Variants in ITPR2 observed in about 807,000 individuals in gnomAD.
ITPR2 encodes the protein inositol 1,4,5-trisphosphate receptor type 2, also known as inositol 1,4,5-trisphosphate-gated calcium channel ITPR2.
In ITPR2, 207 loss-of-function variants were observed where a neutral mutation model predicts 317.1. The ratio of observed to expected loss-of-function variants is 0.65; its 90% confidence interval spans 0.58 to 0.73. The LOEUF is 0.73. Among genes scored for constraint, ITPR2 ranks in the 30% least tolerant of loss-of-function variants. ITPR2 has a pLI of 0.00. For synonymous variants in ITPR2, 1,156 were observed against 1,149.1 expected (o/e 1.01, Z -0.12); for missense variants, 2,613 against 3,284.0 (o/e 0.80, Z 4.99).
chr12:26,600,584 A>G (rs1945973615), intron 28 of ITPR2, among the ~76,000 whole-genome samples: 3 of 151,384 alleles, frequency 2.0e-5, no homozygotes, highest in South Asian at 2.1e-4. Flanking sequence ...CAGTATGCCT[A>G]TATCTCCATC....
At chr12:26,433,069 A>C (rs1403540137) in intron 48 of ITPR2, among the ~76,000 whole-genome samples, 1 of 152,222 alleles carries the variant, frequency 6.6e-6, no homozygotes, top group African/African-American at 2.4e-5. Flanking sequence ...ATTCCTAGCT[A>C]TGCAGTGTGC....
chr12:26,527,133 T>C (rs1316487844), intron 37 of ITPR2, among the ~76,000 whole-genome samples: 5 of 152,220 alleles, frequency 3.3e-5, no homozygotes, highest in African/African-American at 1.2e-4. Flanking sequence ...CAAAAGTGTC[T>C]TTGGTGCATG....
intron 1 of ITPR2, among the ~76,000 whole-genome samples, chr12:26,810,298 T>G (rs73080696): frequency 0.046 from 6,988 of 152,336 alleles, 220 homozygotes; most frequent in Non-Finnish European, 0.072. Flanking sequence ...TTATAGCTTT[T>G]TTTTCATAGT....
Position 26,772,662 on chromosome 12 carries a change from C to A in ITPR2, c.163+17495G>T, listed in dbSNP as rs183932003. 1.1e-3 allele frequency among the ~76,000 whole-genome samples: 167 copies of A among 150,114 alleles called. 1 individual carries two copies. Among genetic ancestry groups the A allele is most frequent in the Non-Finnish European group, 1.8e-3 (125 of 67,608 alleles). On this transcript the variant is annotated intron_variant, in intron 2 of 56. Coordinates refer to ENST00000381340, the MANE Select transcript of ITPR2 (RefSeq NM_002223.4). ...TGAACTGTAGCAACTACTTCATACA[C>A]TGAATTGCACATGGTACCGTATGTG...
At chr12:26,778,515 A>G (rs560845362) in intron 2 of ITPR2, among the ~76,000 whole-genome samples, 1 of 152,350 alleles carries the variant, frequency 6.6e-6, no homozygotes, top group East Asian at 1.9e-4. Flanking sequence ...TGACTTGGCA[A>G]ATGCCTTTTT....
intron 2 of ITPR2, among the ~76,000 whole-genome samples, chr12:26,784,282 T>C (rs78609055): frequency 1.7e-3 from 68 of 39,716 alleles, no homozygotes; most frequent in South Asian, 2.5e-3. Context: ...CCTCTCCCTC[T>C]CCCTCTCCCT....
intron 54 of ITPR2, among the ~76,000 whole-genome samples, chr12:26,394,040 T>G (rs1939923163): frequency 6.6e-6 from 1 of 152,160 alleles, no homozygotes; most frequent in Admixed American, 6.5e-5. Context: ...TCTGGTTCTC[T>G]TAAAGAAGAG....
intron 37 of ITPR2, among the ~76,000 whole-genome samples, chr12:26,534,701 C>T (rs138311949): frequency 3.9e-5 from 6 of 152,144 alleles, no homozygotes; most frequent in African/African-American, 9.7e-5. Context: ...TAAGGAATAT[C>T]GAACATTTCA....
intron 2 of ITPR2, among the ~76,000 whole-genome samples, chr12:26,729,569 A>G (rs1948992789): frequency 1.3e-5 from 2 of 152,168 alleles, no homozygotes; most frequent in Admixed American, 1.3e-4. Flanking sequence ...CCCATCAATC[A>G]TAGACTGGAT....
chr12:26,595,691 T>C (rs760031139), intron 31 of ITPR2, 101 bp from the exon 32 acceptor site: 16 of 926,456 alleles, frequency 1.7e-5, no homozygotes, highest in Non-Finnish European at 2.5e-5. Context: ...GTTTTTATGG[T>C]AGATCATAGC....
At chr12:26,779,550 G>A (rs1369753788) in intron 2 of ITPR2, among the ~76,000 whole-genome samples, 1 of 152,184 alleles carries the variant, frequency 6.6e-6, no homozygotes, top group Non-Finnish European at 1.5e-5. Context: ...CTCTCTCCCA[G>A]CCTGCATCGA....
chr12:26,734,618 G>A (rs377597258), intron 2 of ITPR2, among the ~76,000 whole-genome samples: 29 of 148,142 alleles, frequency 2.0e-4, no homozygotes, highest in African/African-American at 5.9e-4. Flanking sequence ...AACAACTCCT[G>A]TCCTAAATTA....
chr12:26,549,344 CTCTT>C (rs1944466980), intron 37 of ITPR2, among the ~76,000 whole-genome samples: 1 of 152,152 alleles, frequency 6.6e-6, no homozygotes, highest in East Asian at 1.9e-4. Context: ...TGAAGCAATG[CTCTT>C]TCTATTAATA....
chr12:26,528,238 C>G (rs544107955), intron 37 of ITPR2, among the ~76,000 whole-genome samples: 1 of 152,290 alleles, frequency 6.6e-6, no homozygotes, highest in South Asian at 2.1e-4. Context: ...TTCAATGGTT[C>G]CAGCTCCTGA....
chr12:26,464,548 C>T (rs188544141), intron 45 of ITPR2, among the ~76,000 whole-genome samples: 5 of 152,234 alleles, frequency 3.3e-5, no homozygotes, highest in South Asian at 2.1e-4. Context: ...GTCTGGAGCC[C>T]GGGGGTTGGG....
Position 26,715,281 on chromosome 12 carries a change from CA to C in ITPR2, c.855+17del. 2 of 1,596,106 alleles carry C rather than the reference CA, an allele frequency of 1.3e-6. No individual in the cohort carries two copies. Among genetic ancestry groups the C allele is most frequent in the East Asian group, 2.2e-5 (1 of 44,734 alleles). On this transcript the variant is annotated intron_variant, in intron 8 of 56. Coordinates refer to ENST00000381340, the MANE Select transcript of ITPR2 (RefSeq NM_002223.4). ...TTTGATCTAAATATTTATTAAGTGC[CA>C]AAAAACATTTACATACCTCTATTTC...
intron 1 of ITPR2, among the ~76,000 whole-genome samples, chr12:26,795,889 C>T (rs55873755): frequency 0.049 from 7,439 of 151,268 alleles, 239 homozygotes; most frequent in African/African-American, 0.09. Flanking sequence ...GAGACTGAGG[C>T]GGGAGAATCG....
At chr12:26,741,283 TAAG>T (rs1040246614) in intron 2 of ITPR2, among the ~76,000 whole-genome samples, 3 of 152,362 alleles carry the variant, frequency 2.0e-5, no homozygotes, top group African/African-American at 7.2e-5. Context: ...AATCTCTAGT[TAAG>T]AAGTTTAACA....
rs968235523 is a variant in ITPR2, at chr12:26,336,103, C to T, written c.*3294G>A. 3.3e-5 allele frequency among the ~76,000 whole-genome samples: 5 copies of T among 152,082 alleles called. No homozygotes were observed. Among genetic ancestry groups the T allele is most frequent in the African/African-American group, 1.2e-4 (5 of 41,392 alleles). ...CTTGCTTACGTCCAATCTACTGGGT[C>T]CCTGAAGAATAAGCTTTTTTCTTCT... On this transcript the variant is annotated 3_prime_UTR_variant, in exon 57 of 57. Coordinates refer to ENST00000381340, the MANE Select transcript of ITPR2 (RefSeq NM_002223.4).
Sources: allele counts gnomAD v4.1 joint callset (sites outside exome capture counted in the v4.1 genomes callset), GRCh38; gene constraint gnomAD v4.1.1; transcripts MANE v1.5; gene names NCBI Gene and HGNC (gene_info 2026-07-23, HGNC 2026-07-21).